MYO10: variants seen among roughly 807,000 people sequenced by gnomAD.
The protein encoded by MYO10 is unconventional myosin-X.
A neutral mutation model predicts 257.3 loss-of-function variants in MYO10; 133 were observed. The ratio of observed to expected loss-of-function variants is 0.52; its 90% CI spans 0.45 to 0.60. The LOEUF is 0.60. Ranked by LOEUF, MYO10 falls within the 20% of genes least tolerant of loss-of-function variation. The pLI, the probability that MYO10 is intolerant of heterozygous loss-of-function variation, is 0.00. For missense variants in MYO10, 2,399 were observed against 2,635.7 expected (o/e 0.91, Z 1.97); for synonymous variants, 1,104 against 1,028.6 (o/e 1.07, Z -1.40).
chr5:16,719,992 G>A (rs546586332), intron 19 of MYO10, among the ~76,000 whole-genome samples: 1 of 101,228 alleles, frequency 9.9e-6, no homozygotes, highest in Non-Finnish European at 1.7e-5. Context: ...GTGCGTGCGT[G>A]TGTGTGTGTG....
intron 3 of MYO10, among the ~76,000 whole-genome samples, chr5:16,813,877 A>G (rs1007318451): frequency 1.3e-5 from 2 of 152,230 alleles, no homozygotes; most frequent in Non-Finnish European, 2.9e-5. Context: ...GGTTACTGGC[A>G]CTGAAGATGA....
At chr5:16,672,141 A>G (rs1458051535) in intron 37 of MYO10, among the ~76,000 whole-genome samples, 1 of 152,052 alleles carries the variant, frequency 6.6e-6, no homozygotes, top group Non-Finnish European at 1.5e-5. Context: ...CTAAAAATAC[A>G]AAAATTAGCT....
rs755315207 is a variant in MYO10, at chr5:16,792,132, C to CACACAGAGAG, written c.467+2513_467+2514insCTCTCTGTGT. 6.3e-3 allele frequency among the ~76,000 whole-genome samples: 472 copies of CACACAGAGAG among 75,352 alleles called. 7 individuals carry two copies. Among genetic ancestry groups the CACACAGAGAG allele is most frequent in the African/African-American group, 0.016 (446 of 28,592 alleles). The allele number at this position is 75,352 out of a possible 152,430, so 49.4% of individuals were successfully genotyped here. On this transcript the variant is annotated intron_variant, in intron 4 of 40. Transcript: ENST00000513610. The stretch of plus-strand genomic sequence containing the variant: ...ACATACACACACACACACACACACA[C>CACACAGAGAG]AGAGAGAGAGAGAGAGAGAGAGAGA...
intron 1 of MYO10, among the ~76,000 whole-genome samples, chr5:16,907,473 C>T (rs539941949): frequency 3.9e-5 from 6 of 152,016 alleles, no homozygotes; most frequent in African/African-American, 1.2e-4. Context: ...CAACAGGTCA[C>T]GGGAGATTGC....
intron 19 of MYO10, among the ~76,000 whole-genome samples, chr5:16,749,900 A>C (rs765893172): frequency 1.3e-5 from 2 of 152,222 alleles, no homozygotes; most frequent in Non-Finnish European, 2.9e-5. Context: ...AATGTTAATG[A>C]GAGACTTTTC....
chr5:16,933,851 T>C (rs778378877), intron 1 of MYO10, among the ~76,000 whole-genome samples: 10 of 152,190 alleles, frequency 6.6e-5, no homozygotes, highest in South Asian at 2.1e-4. Flanking sequence ...GAAGTTAATA[T>C]TGTAATACAC....
At chr5:16,929,271 A>G (rs1180829467) in intron 1 of MYO10, among the ~76,000 whole-genome samples, 1 of 152,156 alleles carries the variant, frequency 6.6e-6, no homozygotes, top group African/African-American at 2.4e-5. Flanking sequence ...GGCATGTTCA[A>G]AAGCTGATGA....
At chr5:16,858,907 G>A (rs188630043) in intron 2 of MYO10, among the ~76,000 whole-genome samples, 28 of 152,222 alleles carry the variant, frequency 1.8e-4, no homozygotes, top group African/African-American at 5.3e-4. Flanking sequence ...GCAGTGAGCC[G>A]AGAGTATGCC....
At chr5:16,671,624 G>A (rs1736467986) in intron 37 of MYO10, 82 bp from the exon 38 acceptor site, 5 of 1,518,266 alleles carry the variant, frequency 3.3e-6, no homozygotes, top group Non-Finnish European at 3.6e-6. Flanking sequence ...TTTACATGGT[G>A]TATTCTAAGG....
At chr5:16,668,216 G>A (rs1736266601) in intron 40 of MYO10, 61 bp downstream of exon 40, 1 of 1,493,054 alleles carries the variant, frequency 6.7e-7, no homozygotes, top group Non-Finnish European at 9.0e-7. Context: ...AGGAAATGGG[G>A]TCCTGTTTTT....
At chr5:16,744,371 C>T (rs1314322493) in intron 19 of MYO10, among the ~76,000 whole-genome samples, 4 of 152,154 alleles carry the variant, frequency 2.6e-5, no homozygotes, top group African/African-American at 7.2e-5. Context: ...AAAGGACGCC[C>T]GGCCACACAA....
intron 4 of MYO10, among the ~76,000 whole-genome samples, chr5:16,792,075 C>A (rs1274253414): frequency 6.6e-6 from 1 of 150,760 alleles, no homozygotes; most frequent in African/African-American, 2.4e-5. Flanking sequence ...GTACCTCTGC[C>A]CATATGCTCC....
intron 2 of MYO10, among the ~76,000 whole-genome samples, chr5:16,863,398 C>T (rs373517482): frequency 6.6e-6 from 1 of 152,144 alleles, no homozygotes; most frequent in Non-Finnish European, 1.5e-5. Flanking sequence ...CTTAAAGGGG[C>T]CAGGCCCCAG....
chr5:16,792,157 A>AGAGAGAGAGAGAGAGAGAGAGAGG (rs1560987026), intron 4 of MYO10, among the ~76,000 whole-genome samples: 3 of 144,272 alleles, frequency 2.1e-5, no homozygotes, highest in African/African-American at 7.7e-5. Context: ...AGAGAGAGAG[A>AGAGAGAGAGAGAGAGAGAGAGAGG]GAGAGAGGGA....
At chr5:16,723,440 T>A (rs75657121) in intron 19 of MYO10, among the ~76,000 whole-genome samples, 12,507 of 152,150 alleles carry the variant, frequency 0.082, 1,482 homozygotes, top group African/African-American at 0.26. Context: ...ACATACTTAT[T>A]AGAATGCTTA....
At chr5:16,736,919 T>A (rs1276422245) in intron 19 of MYO10, among the ~76,000 whole-genome samples, 1 of 152,198 alleles carries the variant, frequency 6.6e-6, no homozygotes, top group Non-Finnish European at 1.5e-5. Flanking sequence ...TGTGTTATAA[T>A]AACCATATTT....
At position 16,758,282 on chromosome 5, in the gene MYO10, A is replaced by C; in HGVS notation, c.1740-56T>G. The C allele has an allele frequency of 3.3e-6, 4 of 1,199,644 alleles. No individual in the cohort carries two copies. In the South Asian group the frequency reaches 4.9e-5, roughly 15 times the overall value. 74.3% of individuals were successfully genotyped at this position (1,199,644 alleles called of 1,614,324 possible). On this transcript the variant is annotated intron_variant, in intron 17 of 40. Coordinates refer to ENST00000513610, the MANE Select transcript of MYO10 (RefSeq NM_012334.3). ...GGCACACACACCCATTATTAGGTGC[A>C]AGATTATTGTAATTAATGGTGCCCT...
chr5:16,670,109 C>T (rs1161221864), intron 39 of MYO10, among the ~76,000 whole-genome samples: 2 of 152,082 alleles, frequency 1.3e-5, no homozygotes, highest in African/African-American at 4.8e-5. Context: ...TGGCTAAATT[C>T]CATTACGAGA....
Position 16,769,158 on chromosome 5 carries a change from C to G in MYO10, c.976G>C (p.Val326Leu), listed in dbSNP as rs188163012. 1,427 of 1,612,806 alleles carry G rather than the reference C, an allele frequency of 8.8e-4. 2 individuals carry two copies. Among genetic ancestry groups the G allele is most frequent in the Admixed American group, 2.6e-3 (156 of 59,882 alleles). ...AGTATACCAGCAAGCAGCCTCGACA[C>G]TTCCCGAACTTCCTCCTTGCTGAAC... Reference protein sequence around the residue: ...MQFSKEEVREVSRLLAGILHL... With the variant: ...MQFSKEEVRELSRLLAGILHL... Residue 326 changes from valine to leucine, a missense_variant, in exon 10 of 41, where the codon GTG (valine) becomes CTG (leucine). Around this residue, in one of 3 missense-constraint regions of MYO10, gnomAD observed 337 missense variants for 446.8 expected, o/e 0.75. Coordinates refer to ENST00000513610, the MANE Select transcript of MYO10 (RefSeq NM_012334.3).
Sources: gnomAD v4.1 joint callset for allele counts (sites outside exome capture counted in the v4.1 genomes callset) on GRCh38, gnomAD v4.1.1 for gene constraint, gnomAD v4.1.1 regional missense constraint, MANE v1.5 for transcripts, NCBI Gene and HGNC (gene_info 2026-07-23, HGNC 2026-07-21) for gene names.